AXDND1: variants seen among roughly 807,000 people sequenced by gnomAD.
AXDND1 encodes the protein axonemal dynein light chain domain-containing protein 1.
AXDND1 carries 110 observed loss-of-function variants against 137.5 expected under a neutral mutation model. The observed-to-expected ratio is 0.80, with a 90% CI of 0.69 to 0.94. The LOEUF (loss-of-function observed/expected upper bound fraction) is 0.94. Among genes scored for constraint, AXDND1 ranks in the 40% least tolerant of loss-of-function variants. The probability of loss-of-function intolerance (pLI) is 0.00; values close to 1 mark genes in which losing one functional copy is unlikely to be tolerated. For missense variants in AXDND1, 1,191 were observed against 1,169.8 expected (o/e 1.02, Z -0.26); for synonymous variants, 414 against 399.7 (o/e 1.04, Z -0.43).
intron 23 of AXDND1, among the ~76,000 whole-genome samples, chr1:179,529,288 T>C (rs918494763): frequency 6.6e-6 from 1 of 152,256 alleles, no homozygotes; most frequent in Non-Finnish European, 1.5e-5. Context: ...GGGGGATCAA[T>C]AGATTTTGTC....
At chr1:179,542,941 G>A (rs896068399) in intron 25 of AXDND1, among the ~76,000 whole-genome samples, 1 of 152,130 alleles carries the variant, frequency 6.6e-6, no homozygotes, top group Non-Finnish European at 1.5e-5. Flanking sequence ...TCCTACTCAC[G>A]GCAGTCCCTG....
chr1:179,469,104 A>G (rs1663601176), intron 17 of AXDND1, among the ~76,000 whole-genome samples: 1 of 151,896 alleles, frequency 6.6e-6, no homozygotes, highest in South Asian at 2.1e-4. Context: ...TAATTTTTGT[A>G]TTTTTAGTAG....
At chr1:179,418,313 C>G (rs1655024415) in intron 12 of AXDND1, among the ~76,000 whole-genome samples, 1 of 152,214 alleles carries the variant, frequency 6.6e-6, no homozygotes, top group Non-Finnish European at 1.5e-5. Context: ...GGGGTAAGGT[C>G]ACAGATCAAC....
At chr1:179,454,431 G>A (rs1422161265) in intron 16 of AXDND1, 3 of 152,586 alleles carry the variant, frequency 2.0e-5, no homozygotes, top group Admixed American at 6.5e-5. Context: ...CCAGTCTCGG[G>A]TATGTCTTTA....
intron 12 of AXDND1, among the ~76,000 whole-genome samples, chr1:179,423,147 T>C (rs1656024888): frequency 6.6e-6 from 1 of 152,144 alleles, no homozygotes; most frequent in Non-Finnish European, 1.5e-5. Context: ...ACCTTCTTTA[T>C]AATTGTTATA....
chr1:179,382,667 T>TA (rs776524982), intron 6 of AXDND1, 33 bp from the exon 7 acceptor site: 1 of 1,541,766 alleles, frequency 6.5e-7, no homozygotes, highest in Non-Finnish European at 8.9e-7. Context: ...AAAATTTTCT[T>TA]AAAATAACAT....
At chr1:179,380,698 TG>T (rs1310116626) in intron 6 of AXDND1, among the ~76,000 whole-genome samples, 2 of 152,240 alleles carry the variant, frequency 1.3e-5, no homozygotes, top group Non-Finnish European at 2.9e-5. Flanking sequence ...CCAATATGTA[TG>T]TTATAATATA....
At chr1:179,493,265 C>CT (rs1003434228) in intron 20 of AXDND1, among the ~76,000 whole-genome samples, 11 of 151,890 alleles carry the variant, frequency 7.2e-5, no homozygotes, top group Non-Finnish European at 1.2e-4. Flanking sequence ...AAAGAATATA[C>CT]TTTTTTTTCT....
chr1:179,458,234 T>C (rs61826003), intron 16 of AXDND1, among the ~76,000 whole-genome samples: 30,647 of 152,056 alleles, frequency 0.2, 3,222 homozygotes, highest in Non-Finnish European at 0.23. Context: ...TCACCCACCT[T>C]GGCCTCCCAA....
At position 179,432,212 on chromosome 1, in the gene AXDND1, A is replaced by C. The variant is rs566093070; in HGVS notation, c.1488-55A>C. The stretch of plus-strand genomic sequence containing the variant: ...TTAGTCTTTAGTGTGTGAACTGATG[A>C]TCTTGTTTATGTCTTGTTCTGAGAT... On this transcript the variant is annotated intron_variant, in intron 14 of 25. Transcript: ENST00000367618. 5 of 1,474,342 alleles carry C rather than the reference A, an allele frequency of 3.4e-6. No individual in the cohort carries two copies. In the East Asian group the frequency reaches 1.3e-4, roughly 38 times the overall value. 91.3% of individuals were successfully genotyped at this position (1,474,342 alleles called of 1,614,324 possible).
intron 12 of AXDND1, among the ~76,000 whole-genome samples, chr1:179,418,709 G>T (rs1187493867): frequency 6.6e-6 from 1 of 150,390 alleles, no homozygotes; most frequent in Non-Finnish European, 1.5e-5. Flanking sequence ...GGCTGGCCGG[G>T]CGGGGGGCTG....
intron 22 of AXDND1, among the ~76,000 whole-genome samples, chr1:179,525,941 A>G (rs1670496217): frequency 6.6e-6 from 1 of 152,050 alleles, no homozygotes; most frequent in Non-Finnish European, 1.5e-5. Flanking sequence ...AGAAATATTT[A>G]TCTTTGTCAC....
At chr1:179,513,666 A>C (rs1469861346) in intron 21 of AXDND1, among the ~76,000 whole-genome samples, 2 of 152,048 alleles carry the variant, frequency 1.3e-5, no homozygotes, top group African/African-American at 4.8e-5. Context: ...TGTCTGGTAG[A>C]ATTCTGCTGT....
chr1:179,403,807 C>T (rs905406665), intron 11 of AXDND1, among the ~76,000 whole-genome samples: 2 of 152,274 alleles, frequency 1.3e-5, no homozygotes, highest in African/African-American at 4.8e-5. Flanking sequence ...CTACTCCTGA[C>T]CTCATGTGAT....
intron 21 of AXDND1, among the ~76,000 whole-genome samples, 155 bp from the exon 22 acceptor site, chr1:179,525,177 TAA>T (rs1211649299): frequency 1.3e-5 from 2 of 152,262 alleles, no homozygotes; most frequent in East Asian, 1.9e-4. Context: ...GTGAAATTAA[TAA>T]GTTTCTTAAG....
intron 7 of AXDND1, among the ~76,000 whole-genome samples, 157 bp from the exon 8 acceptor site, chr1:179,383,285 C>T (rs905955866): frequency 4.6e-5 from 7 of 152,038 alleles, no homozygotes; most frequent in Admixed American, 4.6e-4. Flanking sequence ...TATTATTGAT[C>T]TCCCAATAGA....
intron 9 of AXDND1, among the ~76,000 whole-genome samples, chr1:179,386,353 A>AT (rs1384452698): frequency 2.0e-5 from 3 of 151,452 alleles, no homozygotes; most frequent in South Asian, 4.2e-4. Context: ...CAGCCTTAAG[A>AT]TTTTTTCTTT....
chr1:179,378,854 A>G (rs1441831234), intron 5 of AXDND1, 97 bp downstream of exon 5: 49 of 1,024,258 alleles, frequency 4.8e-5, no homozygotes, highest in Non-Finnish European at 5.8e-5. Context: ...ATATAAAACA[A>G]CGTCATACTA....
chr1:179,491,667 G>A lies in AXDND1; in HGVS notation c.2221G>A (p.Val741Ile), dbSNP rs1450493874. 1 of 1,612,226 alleles carries A rather than the reference G, an allele frequency of 6.2e-7. No individual in the cohort carries two copies. Among genetic ancestry groups the A allele is most frequent in the Admixed American group, 1.7e-5 (1 of 59,558 alleles). The change falls in exon 19 of 26, where the codon GTT becomes ATT. Residue 741 changes from valine to isoleucine, a missense_variant. Val to Ile is a conservative substitution (Grantham distance 29). Coordinates refer to ENST00000367618, the MANE Select transcript of AXDND1 (RefSeq NM_144696.6). Reference sequence around the variant, plus strand: ...AAGTGCTGAGAAACATGATATAGGAGTTGCGCGATTGGAGCTAGATGCGAT... The same window carrying A: ...AAGTGCTGAGAAACATGATATAGGAATTGCGCGATTGGAGCTAGATGCGAT... ...EESAEKHDIGVARLELDAIEL... is the reference protein window; with the variant it reads ...EESAEKHDIGIARLELDAIEL...
Sources: allele counts gnomAD v4.1 joint callset (sites outside exome capture counted in the v4.1 genomes callset), GRCh38; gene constraint gnomAD v4.1.1; transcripts MANE v1.5; gene names NCBI Gene and HGNC (gene_info 2026-07-23, HGNC 2026-07-21).